EMP1: variants seen among roughly 807,000 people sequenced by gnomAD.
EMP1 encodes the protein epithelial membrane protein 1, also known as tumor-associated membrane protein.
Under a neutral mutation model 15.7 loss-of-function variants are expected in EMP1, and 5 were observed. The observed-to-expected ratio is 0.32, with a 90% CI of 0.17 to 0.67. The LOEUF (loss-of-function observed/expected upper bound fraction) is 0.67. EMP1 is among the 30% of genes least tolerant of loss of function. EMP1 has a pLI of 0.74. For synonymous variants in EMP1, 78 were observed against 76.7 expected (o/e 1.02, Z -0.09); for missense variants, 166 against 194.2 (o/e 0.85, Z 0.86).
rs1420494521 is a variant in EMP1, at chr12:13,212,675, A to T, written c.79-804A>T. ...GCCCCTAATATAAGGCTAGGCACACAGTTGTTTATTGAATGAAGAGCAGGG... is the reference window on the plus strand; with the variant it reads ...GCCCCTAATATAAGGCTAGGCACACTGTTGTTTATTGAATGAAGAGCAGGG... On this transcript the variant is annotated intron_variant, in intron 2 of 4. Transcript: ENST00000256951. Among the ~76,000 whole-genome samples the T allele has an allele frequency of 2.6e-5, 4 of 152,240 alleles. 1 individual carries two copies. Among genetic ancestry groups the T allele is most frequent in the Admixed American group, 2.0e-4 (3 of 15,282 alleles).
intron 1 of EMP1, among the ~76,000 whole-genome samples, chr12:13,201,109 C>G (rs941136522): frequency 1.3e-5 from 2 of 152,138 alleles, no homozygotes; most frequent in Non-Finnish European, 2.9e-5. Flanking sequence ...TTCTTTCAGA[C>G]CCCTTATGGC....
Position 13,213,872 on chromosome 12 carries a change from C to A in EMP1, c.316+51C>A, listed in dbSNP as rs569851146. On this transcript the variant is annotated intron_variant, in intron 4 of 4. Coordinates refer to ENST00000256951, the MANE Select transcript of EMP1 (RefSeq NM_001423.3). Reference sequence around the variant, plus strand: ...GTTTACACTTTTAAGTCCATCTTACCATGGGTGTTTCTGGCAACTTGAACA... The same window carrying A: ...GTTTACACTTTTAAGTCCATCTTACAATGGGTGTTTCTGGCAACTTGAACA... The A allele has an allele frequency of 1.9e-6, 3 of 1,607,586 alleles. No individual in the cohort carries two copies. The South Asian group carries it at 3.3e-5, about 18-fold the overall frequency.
chr12:13,203,226 C>T (rs1331512413), intron 1 of EMP1, among the ~76,000 whole-genome samples: 1 of 152,176 alleles, frequency 6.6e-6, no homozygotes, highest in African/African-American at 2.4e-5. Flanking sequence ...CTTCCCAAAC[C>T]CCTAGTTATT....
intron 1 of EMP1, among the ~76,000 whole-genome samples, chr12:13,197,796 GA>G (rs1007546656): frequency 4.6e-5 from 7 of 151,698 alleles, no homozygotes; most frequent in African/African-American, 7.3e-5. Context: ...AAAAGAAAAA[GA>G]AAAAAAATGA....
chr12:13,201,432 C>T lies in EMP1; in HGVS notation c.-43+4560C>T, dbSNP rs1357240940. On this transcript the variant is annotated intron_variant, in intron 1 of 4. Coordinates refer to ENST00000256951, the MANE Select transcript of EMP1 (RefSeq NM_001423.3). The stretch of plus-strand genomic sequence containing the variant: ...CAAAAAAAACAAAAACAAAACAAAC[C>T]AACAAACAAAAACACCAAAAAAACG... 3.3e-5 allele frequency among the ~76,000 whole-genome samples: 5 copies of T among 151,890 alleles called. No homozygotes were observed. In the South Asian group the frequency reaches 6.3e-4, roughly 19 times the overall value.
At position 13,213,703 on chromosome 12, in the gene EMP1, C is replaced by T. The variant is rs1248502433; in HGVS notation, c.198C>T (p.Ala66=). 1.9e-6 allele frequency: 3 copies of T among 1,614,076 alleles called. No homozygotes were observed. The highest frequency in any genetic ancestry group is 1.7e-5 in the Admixed American group (1 of 60,006). Residue 66 remains alanine, a synonymous_variant, in exon 4 of 5, where the codon GCC becomes GCT. Transcript: ENST00000256951. ...CAGATGCCCTCAAGACAGTGCAGGC[C>T]TTCATGATTCTCTCTATCATCTTCT... is the stretch of plus-strand genomic sequence containing the variant. ...ASEDALKTVQ[A]FMILSIIFCV...
intron 2 of EMP1, among the ~76,000 whole-genome samples, chr12:13,213,062 C>CT (rs1224170850): frequency 6.6e-6 from 1 of 152,176 alleles, no homozygotes; most frequent in Non-Finnish European, 1.5e-5. Context: ...GGACATTTCA[C>CT]TTTTTTCCTG....
At chr12:13,202,901 A>G (rs1403463027) in intron 1 of EMP1, among the ~76,000 whole-genome samples, 1 of 152,216 alleles carries the variant, frequency 6.6e-6, no homozygotes, top group African/African-American at 2.4e-5. Context: ...AAATCATGCC[A>G]GGTGGAAGAG....
intron 1 of EMP1, among the ~76,000 whole-genome samples, chr12:13,205,720 T>G (rs531338282): frequency 6.6e-6 from 1 of 152,326 alleles, no homozygotes; most frequent in African/African-American, 2.4e-5. Flanking sequence ...AAAAGCTATG[T>G]GAGGGCAATA....
At chr12:13,214,233 T>C (rs950084761) in intron 4 of EMP1, 1 of 595,248 alleles carries the variant, frequency 1.7e-6, no homozygotes, top group African/African-American at 1.9e-5. Flanking sequence ...CCTGAGTAGC[T>C]TTCCTAGACC....
chr12:13,201,490 AT>A (rs1287811796), intron 1 of EMP1, among the ~76,000 whole-genome samples: 1 of 152,216 alleles, frequency 6.6e-6, no homozygotes, highest in Non-Finnish European at 1.5e-5. Context: ...TACCATTTCT[AT>A]TTTGAGATAT....
rs2045996 is a variant in EMP1 at position 13,217,929 on chromosome 12, G to T, written c.*3238G>T. On this transcript the variant is annotated 3_prime_UTR_variant, in exon 5 of 5. Coordinates refer to ENST00000256951, the MANE Select transcript of EMP1 (RefSeq NM_001423.3). The stretch of plus-strand genomic sequence containing the variant: ...CAGCAGAGAGCTGGTGCTACAGTGC[G>T]GGTCTGAAAGTTGCCAGAGTCCCTT... 1 of 152,118 alleles carries T rather than the reference G, an allele frequency of 6.6e-6. No homozygotes were observed. Among genetic ancestry groups the T allele is most frequent in the Non-Finnish European group, 1.5e-5 (1 of 68,026 alleles). 9.4% of individuals were successfully genotyped at this position (152,118 alleles called of 1,614,324 possible).
chr12:13,211,387 G>T lies in EMP1; in HGVS notation c.-42-82G>T. 1 of 908,208 alleles carries T rather than the reference G, an allele frequency of 1.1e-6. No homozygotes were observed. Among genetic ancestry groups the T allele is most frequent in the East Asian group, 2.4e-5 (1 of 41,092 alleles). 56.3% of individuals were successfully genotyped at this position (908,208 alleles called of 1,614,324 possible). ...AGTGCAGCTCTTCCTCATGTTAGCA[G>T]ATAGCCCACACGTGTGGGAAAGCTG... On this transcript the variant is annotated intron_variant, in intron 1 of 4. Transcript: ENST00000256951. This position sits in a 1 kb window ranked among gnomAD's most constrained non-coding sequence, Gnocchi z 4.7.
rs1864163419 is a variant in EMP1, at chr12:13,211,423, T to C, written c.-42-46T>C. The C allele has an allele frequency of 2.9e-6, 4 of 1,371,506 alleles. 1 individual carries two copies. Among genetic ancestry groups the C allele is most frequent in the Middle Eastern group, 3.6e-4 (2 of 5,596 alleles). The allele number at this position is 1,371,506 out of a possible 1,614,324, so 85.0% of individuals were successfully genotyped here. ...CGTGTGGGAAAGCTGAGTCGTCTTA[T>C]TGAATCTGACAGTAACCGTTTTTGT... On this transcript the variant is annotated intron_variant, in intron 1 of 4. Transcript: ENST00000256951. The surrounding 1 kb of genome is among the most constrained non-coding windows in gnomAD (Gnocchi z 4.7).
rs1336448208 is a variant in EMP1 at position 13,218,116 on chromosome 12, C to A, written c.*3425C>A. 2.0e-5 allele frequency: 3 copies of A among 152,244 alleles called. No individual in the cohort carries two copies. The highest frequency in any genetic ancestry group is 3.9e-4 in the East Asian group (2 of 5,180). The allele number at this position is 152,244 out of a possible 1,614,324, so 9.4% of individuals were successfully genotyped here. A position where few individuals can be genotyped will look rare whatever the true frequency, so the allele number is the denominator to read the frequency against. On this transcript the variant is annotated 3_prime_UTR_variant, in exon 5 of 5. Transcript: ENST00000256951. Reference sequence around the variant, plus strand: ...TCCATGACCACTCAAGAATGGGACCCAAAGGCAAATGATAACTTATTCATT... The same window carrying A: ...TCCATGACCACTCAAGAATGGGACCAAAAGGCAAATGATAACTTATTCATT...
intron 1 of EMP1, chr12:13,209,239 T>TC (rs926463345): frequency 6.6e-6 from 1 of 152,216 alleles, no homozygotes; most frequent in African/African-American, 2.4e-5. Context: ...CCTGTTCCTT[T>TC]CCCCATAGGG....
chr12:13,202,634 C>T (rs537819361), intron 1 of EMP1, among the ~76,000 whole-genome samples: 5 of 152,184 alleles, frequency 3.3e-5, no homozygotes, highest in African/African-American at 9.6e-5. Context: ...GAAGGTTGCT[C>T]GGAGTTTGCA....
Position 13,214,181 on chromosome 12 carries a change from C to G in EMP1, c.317-353C>G. Reference sequence around the variant, plus strand: ...ATTCTCACTTAATTGTTGTTCTTTCCCAATATACTCGGTTTGGTGGAAGGA... The same window carrying G: ...ATTCTCACTTAATTGTTGTTCTTTCGCAATATACTCGGTTTGGTGGAAGGA... On this transcript the variant is annotated intron_variant, in intron 4 of 4. Coordinates refer to ENST00000256951, the MANE Select transcript of EMP1 (RefSeq NM_001423.3). The G allele has an allele frequency of 8.3e-6, 5 of 599,716 alleles. No homozygotes were observed. In the South Asian group the frequency reaches 1.0e-4, roughly 12 times the overall value. The allele number at this position is 599,716 out of a possible 1,614,324, so 37.1% of individuals were successfully genotyped here.
chr12:13,211,993 G>T lies in EMP1; in HGVS notation c.78+405G>T. On this transcript the variant is annotated intron_variant, in intron 2 of 4. Transcript: ENST00000256951. This position sits in a 1 kb window ranked among gnomAD's most constrained non-coding sequence, Gnocchi z 4.7. Reference sequence around the variant, plus strand: ...TGGGAGTGCTAGCAAAGGAGCATATGTAGGAAGGACAAGCTTTGGTCAGAG... The same window carrying T: ...TGGGAGTGCTAGCAAAGGAGCATATTTAGGAAGGACAAGCTTTGGTCAGAG... 5.4e-6 allele frequency: 1 copy of T among 184,856 alleles called. No homozygotes were observed. Among genetic ancestry groups the T allele is most frequent in the Non-Finnish European group, 1.1e-5 (1 of 89,216 alleles). The allele number at this position is 184,856 out of a possible 1,614,324, so 11.5% of individuals were successfully genotyped here.
Sources: allele counts gnomAD v4.1 joint callset (sites outside exome capture counted in the v4.1 genomes callset), GRCh38; gene constraint gnomAD v4.1.1; non-coding constraint Gnocchi (gnomAD v3.1); transcripts MANE v1.5; gene names NCBI Gene and HGNC (gene_info 2026-07-23, HGNC 2026-07-21).